The following TACR3 variants were observed in gnomAD, a reference collection of about 807,000 sequenced individuals.
The protein encoded by TACR3 is neuromedin-K receptor.
Under a neutral mutation model 35.0 loss-of-function variants are expected in TACR3, and 34 were observed. The observed-to-expected ratio is 0.97, with a 90% CI of 0.74 to 1.30. The LOEUF is 1.30. Among genes scored for constraint, TACR3 ranks in the 50% most tolerant of loss-of-function variants. The probability of loss-of-function intolerance (pLI) is 0.00; values close to 1 mark genes in which losing one functional copy is unlikely to be tolerated. For missense variants in TACR3, 558 were observed against 591.7 expected, an observed-to-expected ratio of 0.94 and a Z score of 0.59; for synonymous variants, 233 against 221.1, an observed-to-expected ratio of 1.05 and a Z score of -0.48.
chr4:103,689,201 GA>G (rs1334998815), intron 1 of TACR3, among the ~76,000 whole-genome samples: 1 of 138,802 alleles, frequency 7.2e-6, no homozygotes, highest in Non-Finnish European at 1.5e-5. Context: ...ATTGAACAAT[GA>G]GAACACATGG....
rs556001293 is a variant in TACR3, at chr4:103,605,324, G to C, written c.889-13641C>G. Among the ~76,000 whole-genome samples the C allele has an allele frequency of 3.8e-5, 4 of 105,340 alleles. No individual in the cohort carries two copies. In the South Asian group the frequency reaches 1.2e-3, roughly 32 times the overall value. 69.1% of individuals were successfully genotyped at this position (105,340 alleles called of 152,430 possible). ...TGTCTTTATAGCAGCATGATTTATAGTCCTTTGGGTATATACCCAGTAATG... is the reference window on the plus strand; with the variant it reads ...TGTCTTTATAGCAGCATGATTTATACTCCTTTGGGTATATACCCAGTAATG... On this transcript the variant is annotated intron_variant, in intron 3 of 4. Coordinates refer to ENST00000304883, the MANE Select transcript of TACR3 (RefSeq NM_001059.3).
intron 3 of TACR3, among the ~76,000 whole-genome samples, chr4:103,632,606 C>T (rs890792078): frequency 6.7e-5 from 10 of 149,124 alleles, no homozygotes; most frequent in African/African-American, 1.5e-4. Flanking sequence ...CCATGGCACA[C>T]GTATACCTAG....
At chr4:103,600,380 A>G (rs184726913) in intron 3 of TACR3, among the ~76,000 whole-genome samples, 18 of 151,864 alleles carry the variant, frequency 1.2e-4, no homozygotes, top group Non-Finnish European at 1.9e-4. Context: ...CAGTCTATCA[A>G]TCAATTTTGT....
At chr4:103,613,504 C>G (rs1724559425) in intron 3 of TACR3, among the ~76,000 whole-genome samples, 1 of 148,202 alleles carries the variant, frequency 6.7e-6, no homozygotes, top group South Asian at 2.1e-4. Context: ...TTTTTTTGTA[C>G]TATTGGTGGA....
At chr4:103,606,568 T>C (rs998003522) in intron 3 of TACR3, among the ~76,000 whole-genome samples, 1 of 152,204 alleles carries the variant, frequency 6.6e-6, no homozygotes, top group African/African-American at 2.4e-5. Context: ...TTCCTAGGTA[T>C]TTTATTTTCT....
At chr4:103,603,708 A>T (rs1225741284) in intron 3 of TACR3, among the ~76,000 whole-genome samples, 1 of 152,210 alleles carries the variant, frequency 6.6e-6, no homozygotes, top group African/African-American at 2.4e-5. Context: ...TTGCTGGGTC[A>T]AATGGAATTT....
intron 1 of TACR3, among the ~76,000 whole-genome samples, chr4:103,714,794 G>A (rs1234310536): frequency 2.6e-5 from 4 of 152,064 alleles, no homozygotes; most frequent in African/African-American, 9.7e-5. Context: ...TGTTGGTAAT[G>A]ATGCAAAATT....
intron 3 of TACR3, among the ~76,000 whole-genome samples, chr4:103,622,994 C>G (rs1035723877): frequency 2.0e-5 from 3 of 152,108 alleles, no homozygotes; most frequent in African/African-American, 7.2e-5. Context: ...GAAAATGCCA[C>G]GAGGTCATTT....
chr4:103,630,031 C>T (rs1725023515), intron 3 of TACR3, among the ~76,000 whole-genome samples: 2 of 152,010 alleles, frequency 1.3e-5, no homozygotes. Context: ...TCAGAAATAA[C>T]ACCGCACATC....
intron 3 of TACR3, among the ~76,000 whole-genome samples, chr4:103,643,313 T>C (rs1427866243): frequency 1.3e-5 from 2 of 151,804 alleles, no homozygotes; most frequent in African/African-American, 4.8e-5. Flanking sequence ...GAAAAACTTT[T>C]TATTGGACAG....
rs938069996 is a variant in TACR3 at position 103,587,848 on chromosome 4, G to T, written c.*1834C>A. On this transcript the variant is annotated 3_prime_UTR_variant, in exon 5 of 5. Coordinates refer to ENST00000304883, the MANE Select transcript of TACR3 (RefSeq NM_001059.3). Reference sequence around the variant, plus strand: ...TATTAAATTTGCTTATTTAAAACATGCACACAAGCTTCACAGACTTTATTG... The same window carrying T: ...TATTAAATTTGCTTATTTAAAACATTCACACAAGCTTCACAGACTTTATTG... The T allele has an allele frequency of 3.9e-5, 6 of 152,042 alleles. No individual in the cohort carries two copies. Among genetic ancestry groups the T allele is most frequent in the Non-Finnish European group, 8.8e-5 (6 of 67,964 alleles). The allele number at this position is 152,042 out of a possible 1,614,324, so 9.4% of individuals were successfully genotyped here. A position where few individuals can be genotyped will look rare whatever the true frequency, so the allele number is the denominator to read the frequency against.
intron 1 of TACR3, among the ~76,000 whole-genome samples, chr4:103,675,096 T>C (rs1658045898): frequency 1.3e-5 from 2 of 152,200 alleles, no homozygotes; most frequent in South Asian, 2.1e-4. Context: ...ATAAGAGTTA[T>C]TCTAAAATCC....
At position 103,638,358 on chromosome 4, in the gene TACR3, C is replaced by A. The variant is rs926077628; in HGVS notation, c.888+17836G>T. Among the ~76,000 whole-genome samples, 21 of 151,438 alleles carry A rather than the reference C, an allele frequency of 1.4e-4. No homozygotes were observed. In the East Asian group the frequency reaches 1.6e-3, roughly 11 times the overall value. On this transcript the variant is annotated intron_variant, in intron 3 of 4. Coordinates refer to ENST00000304883, the MANE Select transcript of TACR3 (RefSeq NM_001059.3). ...ATGGGGAAAGGATTCCCTATTTAAT[C>A]AATGGTGCTGGGAAAACTGGCTAGC...
At chr4:103,661,656 G>A (rs1578247710) in intron 1 of TACR3, among the ~76,000 whole-genome samples, 1 of 152,084 alleles carries the variant, frequency 6.6e-6, no homozygotes, top group Non-Finnish European at 1.5e-5. Flanking sequence ...TAATGCTAGA[G>A]AAGGTATTTT....
At chr4:103,597,899 G>A (rs1472265296) in intron 3 of TACR3, among the ~76,000 whole-genome samples, 1 of 152,106 alleles carries the variant, frequency 6.6e-6, no homozygotes, top group South Asian at 2.1e-4. Flanking sequence ...TGTGAATAGT[G>A]CCGCTATAAA....
chr4:103,660,658 T>C (rs749462498), intron 1 of TACR3, among the ~76,000 whole-genome samples: 11 of 151,974 alleles, frequency 7.2e-5, no homozygotes, highest in South Asian at 2.1e-4. Context: ...AATGTATACA[T>C]TAAATATGTG....
intron 3 of TACR3, among the ~76,000 whole-genome samples, chr4:103,617,869 A>G (rs1340116975): frequency 6.6e-6 from 1 of 152,228 alleles, no homozygotes; most frequent in Non-Finnish European, 1.5e-5. Context: ...GAACTTAACT[A>G]GTATCATTTT....
intron 1 of TACR3, among the ~76,000 whole-genome samples, chr4:103,688,164 A>G (rs556919369): frequency 6.6e-6 from 1 of 152,336 alleles, no homozygotes; most frequent in South Asian, 2.1e-4. Context: ...TCCCTATTTA[A>G]TCAATGGTGC....
chr4:103,623,710 C>A (rs1452912095), intron 3 of TACR3, among the ~76,000 whole-genome samples: 1 of 151,972 alleles, frequency 6.6e-6, no homozygotes, highest in Non-Finnish European at 1.5e-5. Flanking sequence ...ACAAGTGATC[C>A]CTAAATAAAT....
Sources: allele counts gnomAD v4.1 joint callset (sites outside exome capture counted in the v4.1 genomes callset), GRCh38; gene constraint gnomAD v4.1.1; transcripts MANE v1.5; gene names NCBI Gene and HGNC (gene_info 2026-07-23, HGNC 2026-07-21).